Variants in ARHGAP21 observed in about 807,000 individuals in gnomAD.
The protein encoded by ARHGAP21 is rho GTPase-activating protein 21.
Under a neutral mutation model 164.6 loss-of-function variants are expected in ARHGAP21, and 38 were observed. That is an observed-to-expected ratio of 0.23 (90% CI 0.18 to 0.30). The LOEUF (loss-of-function observed/expected upper bound fraction) is 0.30. Ranked by LOEUF, ARHGAP21 falls within the 10% of genes least tolerant of loss-of-function variation. The pLI, the probability that ARHGAP21 is intolerant of heterozygous loss-of-function variation, is 1.00. For synonymous variants in ARHGAP21, 766 were observed against 857.9 expected, an observed-to-expected ratio of 0.89 and a Z score of 1.87; for missense variants, 1,822 against 2,370.7, an observed-to-expected ratio of 0.77 and a Z score of 4.81.
chr10:24,602,210 G>T, intron 12 of ARHGAP21, 107 bp from the exon 13 acceptor site: 2 of 1,261,558 alleles, frequency 1.6e-6, no homozygotes, highest in South Asian at 3.4e-5. Flanking sequence ...TCAAGTGAAG[G>T]GCTATTTTTG....
chr10:24,705,496 A>C (rs968113256), intron 2 of ARHGAP21, among the ~76,000 whole-genome samples: 7 of 152,310 alleles, frequency 4.6e-5, no homozygotes, highest in Admixed American at 4.6e-4. Context: ...AATAGAGAAA[A>C]CAGTACATAA....
At chr10:24,595,320 C>A in intron 19 of ARHGAP21, 130 bp from the exon 20 acceptor site, 1 of 858,308 alleles carries the variant, frequency 1.2e-6, no homozygotes, top group Non-Finnish European at 1.8e-6. Context: ...ATGTAAATTT[C>A]TAAAATGTAA....
chr10:24,718,162 G>A (rs1035590459), intron 2 of ARHGAP21, among the ~76,000 whole-genome samples: 3 of 151,722 alleles, frequency 2.0e-5, no homozygotes, highest in Non-Finnish European at 4.4e-5. Context: ...GAGGAATGAC[G>A]AGACGGAAGA....
chr10:24,598,900 C>T (rs2076694940), intron 14 of ARHGAP21, among the ~76,000 whole-genome samples: 4 of 152,154 alleles, frequency 2.6e-5, no homozygotes, highest in Non-Finnish European at 5.9e-5. Flanking sequence ...ATTATTTAGC[C>T]TCTCTTTGCC....
intron 25 of ARHGAP21, among the ~76,000 whole-genome samples, chr10:24,586,656 TC>T (rs1264200926): frequency 6.6e-6 from 1 of 152,232 alleles, no homozygotes; most frequent in Non-Finnish European, 1.5e-5. Flanking sequence ...ACTCTGGTCT[TC>T]CATTAGTTCA....
intron 11 of ARHGAP21, chr10:24,605,735 A>G (rs918221277): frequency 3.9e-5 from 6 of 152,246 alleles, no homozygotes; most frequent in Non-Finnish European, 8.8e-5. Context: ...TAATCATTGT[A>G]TCAATGAAAA....
intron 4 of ARHGAP21, among the ~76,000 whole-genome samples, chr10:24,637,598 A>G (rs1001380299): frequency 1.2e-4 from 18 of 152,238 alleles, no homozygotes; most frequent in Admixed American, 6.5e-5. Context: ...TTGGTTGGGT[A>G]GCAATGCGAT....
chr10:24,605,498 G>GT (rs1246128912), intron 11 of ARHGAP21, among the ~76,000 whole-genome samples: 1 of 152,106 alleles, frequency 6.6e-6, no homozygotes, highest in Non-Finnish European at 1.5e-5. Flanking sequence ...ATCCAACCCT[G>GT]TATCTTTAGG....
At chr10:24,608,795 A>G (rs781427611) in intron 9 of ARHGAP21, among the ~76,000 whole-genome samples, 4 of 152,064 alleles carry the variant, frequency 2.6e-5, no homozygotes, top group Non-Finnish European at 4.4e-5. Context: ...AGCTCTTTAC[A>G]TTTTAGGAAG....
intron 2 of ARHGAP21, among the ~76,000 whole-genome samples, chr10:24,675,253 T>G (rs1841100502): frequency 6.6e-6 from 1 of 152,164 alleles, no homozygotes; most frequent in Admixed American, 6.5e-5. Flanking sequence ...TGAAATAAAC[T>G]ATTGATATAT....
At chr10:24,718,154 G>A (rs1381815505) in intron 2 of ARHGAP21, among the ~76,000 whole-genome samples, 1 of 151,726 alleles carries the variant, frequency 6.6e-6, no homozygotes, top group Non-Finnish European at 1.5e-5. Flanking sequence ...TTGCATATGA[G>A]GAATGACGAG....
chr10:24,689,896 GTGTATATA>G (rs1565169046), intron 2 of ARHGAP21, among the ~76,000 whole-genome samples: 16 of 134,074 alleles, frequency 1.2e-4, no homozygotes, highest in Non-Finnish European at 1.9e-4. Context: ...GTATATGTAT[GTGTATATA>G]TACATGTATA....
At chr10:24,618,965 A>G (rs1445897317) in intron 9 of ARHGAP21, among the ~76,000 whole-genome samples, 1 of 152,230 alleles carries the variant, frequency 6.6e-6, no homozygotes, top group Non-Finnish European at 1.5e-5. Context: ...GCACACGCTT[A>G]TAATTTAAGT....
intron 9 of ARHGAP21, among the ~76,000 whole-genome samples, chr10:24,617,648 A>G (rs1407338432): frequency 6.6e-6 from 1 of 152,196 alleles, no homozygotes; most frequent in African/African-American, 2.4e-5. Context: ...TTTTTAAAAA[A>G]GCTTTTAGTG....
intron 2 of ARHGAP21, among the ~76,000 whole-genome samples, chr10:24,694,112 C>A (rs920098295): frequency 7.2e-5 from 11 of 152,134 alleles, no homozygotes; most frequent in African/African-American, 2.7e-4. Context: ...AGGATTATTG[C>A]CCAAATTACA....
At chr10:24,589,535 G>A in intron 24 of ARHGAP21, 1 of 467,028 alleles carries the variant, frequency 2.1e-6, no homozygotes, top group South Asian at 3.1e-5. Context: ...GATAGAAATG[G>A]CAAAGGAGCC....
intron 23 of ARHGAP21, 128 bp downstream of exon 23, chr10:24,591,514 G>A: frequency 2.4e-6 from 3 of 1,270,538 alleles, no homozygotes; most frequent in Non-Finnish European, 3.4e-6. Context: ...ATCAGAAACT[G>A]AGCTAGAGAC....
intron 3 of ARHGAP21, among the ~76,000 whole-genome samples, chr10:24,669,502 T>C (rs1260749249): frequency 6.6e-6 from 1 of 152,240 alleles, no homozygotes; most frequent in Non-Finnish European, 1.5e-5. Context: ...ATCAAGCATG[T>C]ATATTGGTCA....
chr10:24,592,158 T>A (rs1408765236), intron 21 of ARHGAP21, 146 bp from the exon 22 acceptor site: 309 of 46,144 alleles, frequency 6.7e-3, no homozygotes, highest in Middle Eastern at 0.027. Context: ...CTAGCAAGAT[T>A]TTTTTTTTTT....
Sources: allele counts gnomAD v4.1 joint callset (sites outside exome capture counted in the v4.1 genomes callset), GRCh38; gene constraint gnomAD v4.1.1; transcripts MANE v1.5; gene names NCBI Gene and HGNC (gene_info 2026-07-23, HGNC 2026-07-21).